The following MYO16 variants were observed in gnomAD, a reference collection of about 807,000 sequenced individuals.
MYO16 encodes unconventional myosin-XVI.
A neutral mutation model predicts 205.3 loss-of-function variants in MYO16; 94 were observed. The ratio of observed to expected loss-of-function variants is 0.46; its 90% CI spans 0.39 to 0.54. The LOEUF is 0.54. Ranked by LOEUF, MYO16 falls within the 20% of genes least tolerant of loss-of-function variation. The pLI is 0.00. For synonymous variants in MYO16, 988 were observed against 954.0 expected (o/e 1.04, Z -0.66); for missense variants, 2,315 against 2,387.5 (o/e 0.97, Z 0.63).
chr13:108,709,490 G>A (rs1252256121), intron 2 of MYO16, among the ~76,000 whole-genome samples: 1 of 84,212 alleles, frequency 1.2e-5, no homozygotes, highest in Non-Finnish European at 2.6e-5. Context: ...CAGAGCCTCA[G>A]CTTCCTTATT....
At chr13:108,658,426 TTGTGTGTGTGTGTG>T (rs145187326) in intron 1 of MYO16, among the ~76,000 whole-genome samples, 2 of 145,186 alleles carry the variant, frequency 1.4e-5, no homozygotes, top group South Asian at 2.2e-4. Flanking sequence ...TGTTTCAACT[TTGTGTGTGTGTGTG>T]TGTGTGTGTG....
chr13:108,961,783 TGA>T, intron 18 of MYO16, 127 bp downstream of exon 18: 2 of 696,594 alleles, frequency 2.9e-6, no homozygotes, highest in Non-Finnish European at 5.0e-6. Context: ...TAGAATTCAG[TGA>T]GGGGGGGAAA....
chr13:108,740,168 ATTGTTGGCAAG>A (rs1566580747), intron 4 of MYO16, among the ~76,000 whole-genome samples: 1,675 of 151,594 alleles, frequency 0.011, 37 homozygotes, highest in African/African-American at 0.039. Context: ...GCTTTGTTCC[ATTGTTGGCAAG>A]GAGCTGTGTT....
chr13:109,031,409 T>C (rs1886543731), intron 23 of MYO16, among the ~76,000 whole-genome samples: 2 of 152,176 alleles, frequency 1.3e-5, no homozygotes, highest in Non-Finnish European at 2.9e-5. Context: ...TCAAATTCAT[T>C]TAGTTTTTTT....
intron 9 of MYO16, among the ~76,000 whole-genome samples, 199 bp from the exon 10 acceptor site, chr13:108,844,144 A>G (rs1877388449): frequency 6.6e-6 from 1 of 152,112 alleles, no homozygotes; most frequent in African/African-American, 2.4e-5. Context: ...TTTTCTTTTA[A>G]AATTAAAGTT....
the MYO16 span, among the ~76,000 whole-genome samples, chr13:108,526,948 T>G: frequency 6.6e-6 from 1 of 152,216 alleles, no homozygotes; most frequent in East Asian, 1.9e-4. Flanking sequence ...TGCAATAGGC[T>G]GATCTTGTGG....
intron 17 of MYO16, among the ~76,000 whole-genome samples, chr13:108,958,124 A>C (rs1170769660): frequency 1.4e-5 from 2 of 147,858 alleles, no homozygotes; most frequent in African/African-American, 4.9e-5. Context: ...TAATATATAC[A>C]TTATATATAT....
intron 23 of MYO16, among the ~76,000 whole-genome samples, chr13:109,034,763 CA>C (rs1364724731): frequency 6.6e-6 from 1 of 152,146 alleles, no homozygotes; most frequent in Non-Finnish European, 1.5e-5. Context: ...TTAGCCATAT[CA>C]AAGGCAATCT....
chr13:109,160,135 C>T (rs570076056), intron 32 of MYO16, among the ~76,000 whole-genome samples: 55 of 152,298 alleles, frequency 3.6e-4, no homozygotes, highest in African/African-American at 1.2e-3. Context: ...CACACCCCAT[C>T]GCCCGGTTGT....
chr13:108,835,941 C>A (rs1451264337), intron 9 of MYO16, among the ~76,000 whole-genome samples: 3 of 152,088 alleles, frequency 2.0e-5, no homozygotes, highest in Admixed American at 1.3e-4. Flanking sequence ...AAATCTATTT[C>A]TTGGGGAAAA....
chr13:108,918,168 C>T (rs896699170), intron 16 of MYO16, among the ~76,000 whole-genome samples: 17 of 152,290 alleles, frequency 1.1e-4, no homozygotes, highest in African/African-American at 3.9e-4. Flanking sequence ...CATCTTAACC[C>T]TTCTCCTTTC....
chr13:109,157,815 G>C (rs7324846), intron 32 of MYO16, among the ~76,000 whole-genome samples: 1 of 151,986 alleles, frequency 6.6e-6, no homozygotes, highest in Admixed American at 6.5e-5. Context: ...ACAGTGATGC[G>C]TCAGATTCTT....
At chr13:108,812,181 G>T (rs1254746409) in intron 7 of MYO16, among the ~76,000 whole-genome samples, 1 of 152,098 alleles carries the variant, frequency 6.6e-6, no homozygotes, top group Admixed American at 6.6e-5. Context: ...CCTAATGCTC[G>T]GAATTTGCAT....
At chr13:108,519,649 C>CCCA in the MYO16 span, among the ~76,000 whole-genome samples, 2 of 118,490 alleles carry the variant, frequency 1.7e-5, no homozygotes, top group African/African-American at 2.7e-5. Context: ...ACACACACAC[C>CCCA]CACACACACA....
At position 108,910,081 on chromosome 13, in the gene MYO16, A is replaced by G; in HGVS notation, c.1856A>G (p.Tyr619Cys). 1.2e-6 allele frequency: 2 copies of G among 1,613,350 alleles called. No homozygotes were observed. Among genetic ancestry groups the G allele is most frequent in the Non-Finnish European group, 1.7e-6 (2 of 1,179,506 alleles). ...PLGQSNFLIFYLLMDGLSAEE... is the reference protein window; with the variant it reads ...PLGQSNFLIFCLLMDGLSAEE... ...GGCCAGAGCAATTTTCTCATTTTCT[A>G]CTTGTTGATGGATGGGTTATCTGCT... The change falls in exon 16 of 35, where the codon TAC (tyrosine) becomes TGC (cysteine). Residue 619 changes from tyrosine (Y) to cysteine (C), a missense_variant. Around this residue, in one of 3 missense-constraint regions of MYO16, gnomAD observed 1,213 missense variants for 1,274.4 expected, o/e 0.95. Coordinates refer to ENST00000457511, the MANE Select transcript of MYO16 (RefSeq NM_001198950.3).
At chr13:108,804,859 C>G (rs962130938) in intron 6 of MYO16, among the ~76,000 whole-genome samples, 2 of 152,182 alleles carry the variant, frequency 1.3e-5, no homozygotes, top group African/African-American at 4.8e-5. Context: ...CCCAGCTGTG[C>G]TTGTGGTAAG....
chr13:109,111,241 CA>C (rs1347417577), intron 28 of MYO16, among the ~76,000 whole-genome samples: 4 of 152,016 alleles, frequency 2.6e-5, no homozygotes, highest in Non-Finnish European at 4.4e-5. Context: ...TTTCACATAG[CA>C]AAAATAGAAC....
At chr13:109,120,093 C>T (rs1875915574) in intron 28 of MYO16, among the ~76,000 whole-genome samples, 1 of 152,152 alleles carries the variant, frequency 6.6e-6, no homozygotes, top group Admixed American at 6.5e-5. Context: ...TAGTCAAGGC[C>T]AGTGTTTCTC....
At chr13:108,788,663 G>C (rs147867423) in intron 5 of MYO16, among the ~76,000 whole-genome samples, 5 of 152,254 alleles carry the variant, frequency 3.3e-5, no homozygotes, top group African/African-American at 9.6e-5. Context: ...CTAGTATCCT[G>C]TGGTTCAGCC....
Sources: gnomAD v4.1 joint callset for allele counts (sites outside exome capture counted in the v4.1 genomes callset) on GRCh38, gnomAD v4.1.1 for gene constraint, gnomAD v4.1.1 regional missense constraint, MANE v1.5 for transcripts, NCBI Gene and HGNC (gene_info 2026-07-23, HGNC 2026-07-21) for gene names.